Variants in KLHL32 observed in about 807,000 individuals in gnomAD.
KLHL32 encodes the protein kelch-like protein 32.
In KLHL32, 35 loss-of-function variants were observed where a neutral mutation model predicts 64.8. The ratio of observed to expected loss-of-function variants is 0.54; its 90% CI spans 0.41 to 0.72. The LOEUF (loss-of-function observed/expected upper bound fraction) is 0.72, where lower values mean the gene tolerates loss of function less well. Among genes scored for constraint, KLHL32 ranks in the 30% least tolerant of loss-of-function variants. The pLI, the probability that KLHL32 is intolerant of heterozygous loss-of-function variation, is 0.00. For missense variants in KLHL32, 589 were observed against 768.5 expected (o/e 0.77, Z 2.76); for synonymous variants, 259 against 281.0 (o/e 0.92, Z 0.78).
At chr6:97,063,243 G>A (rs1789195907) in intron 4 of KLHL32, among the ~76,000 whole-genome samples, 2 of 152,166 alleles carry the variant, frequency 1.3e-5, no homozygotes, top group African/African-American at 4.8e-5. Flanking sequence ...AGTGATTATC[G>A]AAGTCATGAG....
rs553243698 is a variant in KLHL32, at chr6:97,082,486, G to A, written c.412-2640G>A. On this transcript the variant is annotated intron_variant, in intron 5 of 10. Transcript: ENST00000369261. ...AAATTAGCCGGGCATGGTGGCGGGC[G>A]CCTGTAGTCCCAGCTACTCGGGAGG... Among the ~76,000 whole-genome samples, 399 of 152,100 alleles carry A rather than the reference G, an allele frequency of 2.6e-3. 1 individual carries two copies. Among genetic ancestry groups the A allele is most frequent in the Admixed American group, 6.7e-3 (103 of 15,280 alleles).
chr6:97,024,165 C>T (rs1053362053), intron 3 of KLHL32, among the ~76,000 whole-genome samples: 4 of 152,164 alleles, frequency 2.6e-5, no homozygotes, highest in Admixed American at 6.5e-5. Context: ...CTATTAATAG[C>T]GGCCTTGACA....
chr6:97,045,722 G>A (rs560916975), intron 4 of KLHL32, among the ~76,000 whole-genome samples: 156 of 152,260 alleles, frequency 1.0e-3, no homozygotes, highest in African/African-American at 3.2e-3. Flanking sequence ...GTGTATGTGC[G>A]TGTGTGTGTG....
At chr6:96,981,541 T>G (rs1776312212) in intron 3 of KLHL32, among the ~76,000 whole-genome samples, 2 of 152,142 alleles carry the variant, frequency 1.3e-5, no homozygotes, top group South Asian at 4.1e-4. Context: ...TTTTAGAATC[T>G]CAATTTCCTT....
chr6:97,094,380 G>A (rs1470066024), intron 6 of KLHL32, among the ~76,000 whole-genome samples: 3 of 152,186 alleles, frequency 2.0e-5, no homozygotes, highest in Non-Finnish European at 1.5e-5. Context: ...TTCCTTAGAA[G>A]TGCTTCTCCC....
chr6:97,114,313 C>G lies in KLHL32; in HGVS notation c.1158C>G (p.Asn386Lys). ...NSWAEIAPMK[N>K]CREHFVLGAM... ...GGGCAGAGATAGCACCCATGAAAAA[C>G]TGCCGGGAGCATTTTGTGCTGGGTG... Residue 386 changes from asparagine (N) to lysine (K), a missense_variant, in exon 7 of 11, where the codon AAC (asparagine) becomes AAG (lysine). Around this residue, in one of 3 missense-constraint regions of KLHL32, gnomAD observed 226 missense variants for 353.2 expected, o/e 0.64. Transcript: ENST00000369261. 5.0e-6 allele frequency: 8 copies of G among 1,614,180 alleles called. No individual in the cohort carries two copies. Among genetic ancestry groups the G allele is most frequent in the African/African-American group, 1.3e-5 (1 of 75,056 alleles).
intron 3 of KLHL32, among the ~76,000 whole-genome samples, chr6:97,036,225 T>C (rs1737631): frequency 0.18 from 27,324 of 152,160 alleles, 2,929 homozygotes; most frequent in African/African-American, 0.31. Context: ...CTTTCATTTA[T>C]GTATTACATA....
intron 4 of KLHL32, among the ~76,000 whole-genome samples, chr6:97,056,096 C>CTTTTTTT (rs1193971196): frequency 2.4e-5 from 3 of 123,800 alleles, no homozygotes; most frequent in Admixed American, 9.6e-5. Flanking sequence ...CTTTTTTTTT[C>CTTTTTTT]TTTTTTTTTC....
In KLHL32 at chr6:96,974,653, C is replaced by G. The variant is rs1775500640; in HGVS notation, c.24-1344C>G. ...TCCCAGTCAAAACTGTCCAATAAAG[C>G]TTAATGACTGCCTTCTGGCATTTCA... On this transcript the variant is annotated intron_variant, in intron 2 of 10. Coordinates refer to ENST00000369261, the MANE Select transcript of KLHL32 (RefSeq NM_052904.4). Among the ~76,000 whole-genome samples the G allele has an allele frequency of 3.9e-5, 6 of 152,202 alleles. No homozygotes were observed. In the South Asian group the frequency reaches 1.2e-3, roughly 32 times the overall value.
chr6:97,035,466 T>A (rs1488049021), intron 3 of KLHL32, among the ~76,000 whole-genome samples: 1 of 152,184 alleles, frequency 6.6e-6, no homozygotes, highest in African/African-American at 2.4e-5. Context: ...CTGTTTAGCA[T>A]GTTTTTGTTT....
At chr6:97,074,500 A>C (rs1483531068) in intron 5 of KLHL32, among the ~76,000 whole-genome samples, 1 of 152,180 alleles carries the variant, frequency 6.6e-6, no homozygotes, top group East Asian at 1.9e-4. Context: ...AAAGATAAAA[A>C]GCGAAAATAA....
intron 6 of KLHL32, 40 bp from the exon 7 acceptor site, chr6:97,113,743 A>C (rs753975138): frequency 1.3e-6 from 2 of 1,589,720 alleles, no homozygotes; most frequent in South Asian, 2.3e-5. Flanking sequence ...TTTCTTTCTT[A>C]CCTTTGTGTC....
In KLHL32 at chr6:97,041,508, G is replaced by A; in HGVS notation, c.221G>A (p.Cys74Tyr). 6.2e-7 allele frequency: 1 copy of A among 1,613,162 alleles called. No homozygotes were observed. The highest frequency in any genetic ancestry group is 8.5e-7 in the Non-Finnish European group (1 of 1,179,222). The change falls in exon 4 of 11, where the codon TGT (cysteine) becomes TAT (tyrosine). Residue 74 changes from cysteine (C) to tyrosine (Y), a missense_variant. Coordinates refer to ENST00000369261, the MANE Select transcript of KLHL32 (RefSeq NM_052904.4). ...SDYFRAMFSL[C>Y]MVESGADEVN... ...TCACCTCAGGCAATGTTCAGTCTTTGTATGGTGGAAAGTGGAGCTGATGAG... is the reference window on the plus strand; with the variant it reads ...TCACCTCAGGCAATGTTCAGTCTTTATATGGTGGAAAGTGGAGCTGATGAG...
At chr6:97,027,055 G>A (rs1041407369) in intron 3 of KLHL32, among the ~76,000 whole-genome samples, 1 of 151,720 alleles carries the variant, frequency 6.6e-6, no homozygotes, top group Admixed American at 6.6e-5. Flanking sequence ...CCAGCTACTC[G>A]GGAGGCTGAG....
At chr6:96,986,086 T>TA in intron 3 of KLHL32, among the ~76,000 whole-genome samples, 1 of 152,334 alleles carries the variant, frequency 6.6e-6, no homozygotes, top group Non-Finnish European at 1.5e-5. Context: ...GTTTTCCTTC[T>TA]AACAGTCAGG....
chr6:97,129,806 C>T (rs972115319), intron 8 of KLHL32, among the ~76,000 whole-genome samples: 5 of 152,158 alleles, frequency 3.3e-5, no homozygotes, highest in African/African-American at 4.8e-5. Flanking sequence ...CGACTTGAAC[C>T]TGGGAGGCGG....
chr6:97,029,922 G>A (rs773846601), intron 3 of KLHL32, among the ~76,000 whole-genome samples: 3 of 152,108 alleles, frequency 2.0e-5, no homozygotes, highest in Non-Finnish European at 2.9e-5. Flanking sequence ...TGTAACAGTG[G>A]GCATATAGAA....
rs145452086 is a variant in KLHL32, at chr6:96,998,025, G to A, written c.204+21848G>A. Among the ~76,000 whole-genome samples, 15 of 152,226 alleles carry A rather than the reference G, an allele frequency of 9.9e-5. No individual in the cohort carries two copies. The East Asian group carries it at 2.3e-3, about 24-fold the overall frequency. On this transcript the variant is annotated intron_variant, in intron 3 of 10. Coordinates refer to ENST00000369261, the MANE Select transcript of KLHL32 (RefSeq NM_052904.4). The stretch of plus-strand genomic sequence containing the variant: ...GTGTTTATTACATAAAGGATAAATG[G>A]CAGCATAACATTGACAGTAATTTTT...
chr6:97,031,109 A>G (rs1311832197), intron 3 of KLHL32, among the ~76,000 whole-genome samples: 1 of 152,162 alleles, frequency 6.6e-6, no homozygotes, highest in Non-Finnish European at 1.5e-5. Context: ...GGTTTCTAGC[A>G]GGTCTCTGGA....
Sources: gnomAD v4.1 joint callset for allele counts (sites outside exome capture counted in the v4.1 genomes callset) on GRCh38, gnomAD v4.1.1 for gene constraint, gnomAD v4.1.1 regional missense constraint, MANE v1.5 for transcripts, NCBI Gene and HGNC (gene_info 2026-07-23, HGNC 2026-07-21) for gene names.